The following RAB4A variants were observed in gnomAD, a reference collection of about 807,000 sequenced individuals.
The protein encoded by RAB4A is RAB4A, member RAS oncogene family.
In RAB4A, 20 loss-of-function variants were observed where a neutral mutation model predicts 34.5. That is an observed-to-expected ratio of 0.58 (90% CI 0.41 to 0.84). RAB4A has a LOEUF of 0.84. Ranked by LOEUF, RAB4A falls within the 40% of genes least tolerant of loss-of-function variation. The pLI, the probability that RAB4A is intolerant of heterozygous loss-of-function variation, is 0.00. For missense variants in RAB4A, 228 were observed against 274.5 expected, an observed-to-expected ratio of 0.83 and a Z score of 1.20; for synonymous variants, 102 against 100.0, an observed-to-expected ratio of 1.02 and a Z score of -0.12.
At chr1:229,271,593 A>G (rs1656480303) in intron 1 of RAB4A, among the ~76,000 whole-genome samples, 3 of 152,008 alleles carry the variant, frequency 2.0e-5, no homozygotes, top group East Asian at 1.9e-4. Context: ...CGCTGTGCAC[A>G]GCGCATTGGC....
At chr1:229,278,578 T>TAACA (rs1656706625) in intron 1 of RAB4A, among the ~76,000 whole-genome samples, 3 of 152,206 alleles carry the variant, frequency 2.0e-5, no homozygotes, top group African/African-American at 7.2e-5. Flanking sequence ...AGGTCTCTGT[T>TAACA]GTTTAAAACT....
chr1:229,304,938 TG>T lies in RAB4A; in HGVS notation c.*1147del. Reference sequence around the variant, plus strand: ...AAATGTCAGTGCAAAAAATATATGGTGGAACCTTTCTTTAAAGTTGAAATGC... The same window carrying T: ...AAATGTCAGTGCAAAAAATATATGGTGAACCTTTCTTTAAAGTTGAAATGC... On this transcript the variant is annotated 3_prime_UTR_variant, in exon 8 of 8. Coordinates refer to ENST00000366690, the MANE Select transcript of RAB4A (RefSeq NM_004578.4). The T allele has an allele frequency of 2.0e-6, 1 of 492,174 alleles. No homozygotes were observed. The highest frequency in any genetic ancestry group is 3.2e-6 in the Non-Finnish European group (1 of 314,656). 30.5% of individuals were successfully genotyped at this position (492,174 alleles called of 1,614,324 possible).
intron 2 of RAB4A, among the ~76,000 whole-genome samples, chr1:229,286,890 A>G (rs1296273555): frequency 6.6e-6 from 1 of 152,186 alleles, no homozygotes; most frequent in Non-Finnish European, 1.5e-5. Context: ...CTAGGCATAC[A>G]TTTTGGATAA....
chr1:229,305,542 A>T lies in RAB4A; in HGVS notation c.*1749A>T, dbSNP rs1657528768. 3.0e-6 allele frequency: 1 copy of T among 332,402 alleles called. No individual in the cohort carries two copies. Among genetic ancestry groups the T allele is most frequent in the Admixed American group, 5.1e-5 (1 of 19,756 alleles). 20.6% of individuals were successfully genotyped at this position (332,402 alleles called of 1,614,324 possible). A position where few individuals can be genotyped will look rare whatever the true frequency, so the allele number is the denominator to read the frequency against. ...TTAATCAGGCTTTGCCTTTAGGGAGAATGAGGAGGAGAGATAATTGGGTAT... is the reference window on the plus strand; with the variant it reads ...TTAATCAGGCTTTGCCTTTAGGGAGTATGAGGAGGAGAGATAATTGGGTAT... On this transcript the variant is annotated 3_prime_UTR_variant, in exon 8 of 8. Coordinates refer to ENST00000366690, the MANE Select transcript of RAB4A (RefSeq NM_004578.4).
chr1:229,305,473 C>G lies in RAB4A; in HGVS notation c.*1680C>G. 3.8e-6 allele frequency: 2 copies of G among 525,712 alleles called. No individual in the cohort carries two copies. The highest frequency in any genetic ancestry group is 7.3e-5 in the East Asian group (2 of 27,476). 32.6% of individuals were successfully genotyped at this position (525,712 alleles called of 1,614,324 possible). On this transcript the variant is annotated 3_prime_UTR_variant, in exon 8 of 8. Transcript: ENST00000366690. ...CAGACACCATATATCCTTCTGCATC[C>G]TTTGGCCAATAAAAGTTGCTGGAGA...
chr1:229,276,495 A>G (rs1656653213), intron 1 of RAB4A, among the ~76,000 whole-genome samples: 1 of 151,442 alleles, frequency 6.6e-6, no homozygotes, highest in African/African-American at 2.5e-5. Flanking sequence ...CTCAAACTAC[A>G]GATCTTTTTT....
rs1197534250 is a variant in RAB4A at position 229,301,975 on chromosome 1, A to C, written c.542-887A>C. The stretch of plus-strand genomic sequence containing the variant: ...AATGTTCCAAAATCTGAAACTTTTT[A>C]ATTGCCAACATTGCCACTGAAAGGA... On this transcript the variant is annotated intron_variant, in intron 6 of 7. Coordinates refer to ENST00000366690, the MANE Select transcript of RAB4A (RefSeq NM_004578.4). Among the ~76,000 whole-genome samples, 5 of 152,020 alleles carry C rather than the reference A, an allele frequency of 3.3e-5. No homozygotes were observed. In the East Asian group the frequency reaches 9.6e-4, roughly 29 times the overall value.
intron 6 of RAB4A, among the ~76,000 whole-genome samples, chr1:229,299,672 C>G (rs1163467561): frequency 1.3e-5 from 2 of 152,146 alleles, no homozygotes; most frequent in African/African-American, 4.8e-5. Context: ...TATATATGGG[C>G]ATCACCTTTT....
chr1:229,299,055 T>G lies in RAB4A; in HGVS notation c.524T>G (p.Leu175Arg), dbSNP rs1657314560. Residue 175 changes from leucine (L) to arginine (R), a missense_variant, in exon 6 of 8, where the codon CTT becomes CGT. Transcript: ENST00000366690. ...EAFVQCARKI[L>R]NKIESGELDP... The stretch of plus-strand genomic sequence containing the variant: ...TTTGTACAGTGTGCAAGAAAAATAC[T>G]TAACAAAATCGAATCAGGTAAAAGC... 6.2e-7 allele frequency: 1 copy of G among 1,605,614 alleles called. No homozygotes were observed. Among genetic ancestry groups the G allele is most frequent in the African/African-American group, 1.3e-5 (1 of 74,418 alleles).
At chr1:229,289,929 CATTT>C (rs1351602303) in intron 3 of RAB4A, among the ~76,000 whole-genome samples, 1 of 152,188 alleles carries the variant, frequency 6.6e-6, no homozygotes, top group Non-Finnish European at 1.5e-5. Context: ...TTCAATTAGA[CATTT>C]ATGTCTTCCC....
At chr1:229,295,240 A>C (rs1224256726) in intron 3 of RAB4A, among the ~76,000 whole-genome samples, 1 of 152,106 alleles carries the variant, frequency 6.6e-6, no homozygotes, top group Non-Finnish European at 1.5e-5. Context: ...GTGTCCGGCC[A>C]CTAATGGGAA....
intron 6 of RAB4A, among the ~76,000 whole-genome samples, chr1:229,301,987 T>C (rs911475059): frequency 3.3e-5 from 5 of 151,702 alleles, no homozygotes; most frequent in African/African-American, 1.2e-4. Context: ...TTGCCAACAT[T>C]GCCACTGAAA....
At chr1:229,302,757 A>T in intron 6 of RAB4A, 105 bp from the exon 7 acceptor site, 1 of 728,540 alleles carries the variant, frequency 1.4e-6, no homozygotes, top group Non-Finnish European at 2.2e-6. Flanking sequence ...GAATGGTGGG[A>T]TATATACACA....
Position 229,287,500 on chromosome 1 carries a change from G to A in RAB4A, c.112+934G>A, listed in dbSNP as rs148932227. ...AGTTGCCAAGACTTTGTGTGGTACA[G>A]TCTTAGAAAAGAATACCCAGAGGGT... On this transcript the variant is annotated intron_variant, in intron 2 of 7. Coordinates refer to ENST00000366690, the MANE Select transcript of RAB4A (RefSeq NM_004578.4). Among the ~76,000 whole-genome samples, 19 of 152,288 alleles carry A rather than the reference G, an allele frequency of 1.2e-4. No individual in the cohort carries two copies. In the East Asian group the frequency reaches 2.7e-3, roughly 22 times the overall value.
intron 3 of RAB4A, 70 bp from the exon 4 acceptor site, chr1:229,295,778 T>C: frequency 6.6e-7 from 1 of 1,513,054 alleles, no homozygotes; most frequent in Non-Finnish European, 9.2e-7. Context: ...ATGGGTGTTT[T>C]TTCATGGGAA....
chr1:229,303,297 T>C (rs1051315526), intron 7 of RAB4A, among the ~76,000 whole-genome samples: 1 of 151,554 alleles, frequency 6.6e-6, no homozygotes, highest in African/African-American at 2.4e-5. Context: ...AGGCGGAGGT[T>C]GCAGTAAGCC....
chr1:229,302,886 G>T lies in RAB4A; in HGVS notation c.566G>T (p.Gly189Val). ...ESGELDPERM[G>V]SGIQYGDAAL... is the part of the protein sequence containing the mutation. ...GGTGAGCTGGACCCAGAAAGAATGG[G>T]CTCAGGTATTCAGTACGGAGATGCT... The change falls in exon 7 of 8, where the codon GGC becomes GTC. Residue 189 changes from glycine to valine, a missense_variant. Transcript: ENST00000366690. 6.2e-7 allele frequency: 1 copy of T among 1,613,692 alleles called. No individual in the cohort carries two copies. Among genetic ancestry groups the T allele is most frequent in the Non-Finnish European group, 8.5e-7 (1 of 1,179,810 alleles).
intron 1 of RAB4A, among the ~76,000 whole-genome samples, chr1:229,277,164 A>C (rs1656673431): frequency 6.6e-6 from 1 of 150,552 alleles, no homozygotes; most frequent in South Asian, 2.1e-4. Flanking sequence ...CAGCCTCCTC[A>C]GTGTGTGTGA....
At chr1:229,272,249 A>G (rs1193716631) in intron 1 of RAB4A, among the ~76,000 whole-genome samples, 1 of 152,120 alleles carries the variant, frequency 6.6e-6, no homozygotes, top group African/African-American at 2.4e-5. Context: ...TTCTCAGATT[A>G]AGACTTTGAT....
Sources: gnomAD v4.1 joint callset for allele counts (sites outside exome capture counted in the v4.1 genomes callset) on GRCh38, gnomAD v4.1.1 for gene constraint, MANE v1.5 for transcripts, NCBI Gene and HGNC (gene_info 2026-07-23, HGNC 2026-07-21) for gene names.